TRMT1L: variants seen among roughly 807,000 people sequenced by gnomAD.
TRMT1L encodes tRNA (guanine(27)-N(2))-dimethyltransferase.
In TRMT1L, 28 loss-of-function variants were observed where a neutral mutation model predicts 81.6. That is an observed-to-expected ratio of 0.34 (90% CI 0.25 to 0.47). The LOEUF (loss-of-function observed/expected upper bound fraction) is 0.47. Among genes scored for constraint, TRMT1L ranks in the 20% least tolerant of loss-of-function variants. The pLI, the probability that TRMT1L is intolerant of heterozygous loss-of-function variation, is 1.00. For missense variants in TRMT1L, 739 were observed against 877.1 expected (o/e 0.84, Z 1.99); for synonymous variants, 301 against 303.2 (o/e 0.99, Z 0.07).
In TRMT1L at chr1:185,156,806, C is replaced by A; in HGVS notation, c.-94G>T. 1.3e-6 allele frequency: 2 copies of A among 1,527,188 alleles called. No homozygotes were observed. The highest frequency in any genetic ancestry group is 2.4e-5 in the East Asian group (1 of 41,450). 94.6% of individuals were successfully genotyped at this position (1,527,188 alleles called of 1,614,324 possible). On this transcript the variant is annotated 5_prime_UTR_variant, in exon 1 of 15. Coordinates refer to ENST00000367506, the MANE Select transcript of TRMT1L (RefSeq NM_030934.5). Reference sequence around the variant, plus strand: ...ACGTGAATGCCCACAGGGCTGGATCCAAGGAGTGGGGAAGCAAGTGGGGAG... The same window carrying A: ...ACGTGAATGCCCACAGGGCTGGATCAAAGGAGTGGGGAAGCAAGTGGGGAG...
At chr1:185,139,167 G>C (rs1443630214) in intron 9 of TRMT1L, among the ~76,000 whole-genome samples, 200 bp downstream of exon 9, 1 of 152,088 alleles carries the variant, frequency 6.6e-6, no homozygotes, top group Admixed American at 6.5e-5. Flanking sequence ...TTTAATTGGA[G>C]AGTAAACTGA....
Position 185,139,630 on chromosome 1 carries a change from T to A in TRMT1L, c.1110-51A>T, listed in dbSNP as rs1220518629. 3 of 1,236,090 alleles carry A rather than the reference T, an allele frequency of 2.4e-6. No homozygotes were observed. The African/African-American group carries it at 4.6e-5, about 19-fold the overall frequency. The allele number at this position is 1,236,090 out of a possible 1,614,324, so 76.6% of individuals were successfully genotyped here. ...TTTAAAGTCATATTAGTAACAAAAA[T>A]TATACCACTGTAATTATTTCTAATT... On this transcript the variant is annotated intron_variant, in intron 8 of 14. Transcript: ENST00000367506.
rs143396972 is a variant in TRMT1L at position 185,138,394 on chromosome 1, C to T, written c.1323-598G>A. On this transcript the variant is annotated intron_variant, in intron 9 of 14. Coordinates refer to ENST00000367506, the MANE Select transcript of TRMT1L (RefSeq NM_030934.5). ...TAAGTATGTGCAGTTAAGTCCTTAG[C>T]ATGCATACAGTAAACATCAGTTTTC... 7.2e-5 allele frequency among the ~76,000 whole-genome samples: 11 copies of T among 152,160 alleles called. 1 individual carries two copies. The East Asian group carries it at 2.1e-3, about 29-fold the overall frequency.
intron 13 of TRMT1L, among the ~76,000 whole-genome samples, chr1:185,123,186 T>G (rs1175337844): frequency 6.6e-6 from 1 of 152,170 alleles, no homozygotes; most frequent in Non-Finnish European, 1.5e-5. Flanking sequence ...AGGTCAACAT[T>G]AAACTGCTGA....
chr1:185,152,680 G>A (rs1462982170), intron 1 of TRMT1L, among the ~76,000 whole-genome samples: 1 of 152,092 alleles, frequency 6.6e-6, no homozygotes, highest in Non-Finnish European at 1.5e-5. Context: ...ATAAGCAACA[G>A]AACTTGGGAT....
intron 2 of TRMT1L, among the ~76,000 whole-genome samples, chr1:185,151,231 TA>T (rs1653336433): frequency 6.6e-6 from 1 of 151,942 alleles, no homozygotes; most frequent in African/African-American, 2.4e-5. Flanking sequence ...ACTCATTTAG[TA>T]ATTTTTTTCT....
intron 10 of TRMT1L, among the ~76,000 whole-genome samples, chr1:185,134,023 AAT>A (rs1292540566): frequency 6.6e-6 from 1 of 152,204 alleles, no homozygotes; most frequent in East Asian, 1.9e-4. Context: ...TAAAAAGCCA[AAT>A]ACTCTTTTTC....
chr1:185,149,944 T>G (rs1354574676), intron 3 of TRMT1L, among the ~76,000 whole-genome samples: 1 of 152,200 alleles, frequency 6.6e-6, no homozygotes. Context: ...TATCCCACCA[T>G]TCTGAATTCT....
At chr1:185,156,394 T>A (rs1653566604) in intron 1 of TRMT1L, 84 bp downstream of exon 1, 3 of 1,612,052 alleles carry the variant, frequency 1.9e-6, no homozygotes, top group East Asian at 2.2e-5. Flanking sequence ...ATAAAAACCA[T>A]CCCGGTGAAG....
rs766704960 is a variant in TRMT1L, at chr1:185,145,550, C to A, written c.544G>T (p.Ala182Ser). The A allele has an allele frequency of 5.0e-6, 8 of 1,611,160 alleles. No individual in the cohort carries two copies. Among genetic ancestry groups the A allele is most frequent in the Non-Finnish European group, 6.8e-6 (8 of 1,178,200 alleles). Residue 182 changes from alanine (A) to serine (S), a missense_variant, in exon 5 of 15, where the codon GCC becomes TCC. This residue lies in a region of TRMT1L where 331 missense variants were observed against 462.2 expected (regional missense o/e 0.72). Transcript: ENST00000367506. ...GAACAAATGATACAATGATAATGGG[C>A]TCCCATTTTACTGGTTATCTATCAA... The part of the protein sequence containing the change: ...IGEQITSKMG[A>S]HYHCIICSAT...
chr1:185,133,710 G>A (rs1000540831), intron 10 of TRMT1L, among the ~76,000 whole-genome samples: 2 of 151,200 alleles, frequency 1.3e-5, no homozygotes, highest in Non-Finnish European at 2.9e-5. Flanking sequence ...TGATCCTCCT[G>A]CCTCAGCCTC....
intron 13 of TRMT1L, 133 bp from the exon 14 acceptor site, chr1:185,120,642 A>C: frequency 1.3e-6 from 1 of 799,446 alleles, no homozygotes; most frequent in Non-Finnish European, 1.7e-6. Flanking sequence ...AATTCTTATA[A>C]TTTATTCTAT....
intron 12 of TRMT1L, 26 bp from the exon 13 acceptor site, chr1:185,123,945 G>A: frequency 7.6e-7 from 1 of 1,309,802 alleles, no homozygotes. Context: ...AATGGGAAAA[G>A]AAAATATTTT....
rs768938479 is a variant in TRMT1L at position 185,137,670 on chromosome 1, T to C, written c.1449A>G (p.Gln483=). 1.2e-6 allele frequency: 2 copies of C among 1,614,070 alleles called. No homozygotes were observed. Among genetic ancestry groups the C allele is most frequent in the East Asian group, 2.2e-5 (1 of 44,884 alleles). Reference sequence around the variant, plus strand: ...CACACCACTGACAATGGATCAGGTATTGAATCTTCTTGGCTGTTTCATCTG... The same window carrying C: ...CACACCACTGACAATGGATCAGGTACTGAATCTTCTTGGCTGTTTCATCTG... ...TSADETAKKI[Q]YLIHCQWCEE... Residue 483 remains glutamine (Q), a synonymous_variant, in exon 10 of 15, where the codon CAA becomes CAG. Transcript: ENST00000367506.
At chr1:185,155,921 AACTACT>A (rs1236452531) in intron 1 of TRMT1L, among the ~76,000 whole-genome samples, 15 of 152,170 alleles carry the variant, frequency 9.9e-5, no homozygotes, top group African/African-American at 3.6e-4. Flanking sequence ...CTCTTTCCTA[AACTACT>A]ACTCAGCCTC....
chr1:185,145,584 T>C lies in TRMT1L; in HGVS notation c.526-16A>G. The stretch of plus-strand genomic sequence containing the variant: ...TACTGGTTATCTATCAAACAGAGTA[T>C]TTAATTTAAATAAGTTGCTAAGACA... On this transcript the variant is annotated splice_polypyrimidine_tract_variant and intron_variant, in intron 4 of 14. Transcript: ENST00000367506. 6.2e-7 allele frequency: 1 copy of C among 1,607,206 alleles called. No homozygotes were observed. The highest frequency in any genetic ancestry group is 8.5e-7 in the Non-Finnish European group (1 of 1,175,638).
intron 1 of TRMT1L, among the ~76,000 whole-genome samples, chr1:185,153,873 A>G (rs999071912): frequency 3.3e-5 from 5 of 152,194 alleles, no homozygotes; most frequent in Non-Finnish European, 5.9e-5. Flanking sequence ...TTAAAATTCA[A>G]TTCTTGATAT....
chr1:185,141,815 C>G (rs1487778884), intron 7 of TRMT1L, among the ~76,000 whole-genome samples: 1 of 152,104 alleles, frequency 6.6e-6, no homozygotes, highest in East Asian at 1.9e-4. Context: ...AGTCTGGACT[C>G]CCGGCAATAA....
At position 185,140,155 on chromosome 1, in the gene TRMT1L, A is replaced by G. The variant is rs779082680; in HGVS notation, c.927T>C (p.Asn309=). Reference sequence around the variant, plus strand: ...CCTGAATCAGTGTCACAGAATTTTCATTCAAGTCATTGATTGTAACTTTGA... The same window carrying G: ...CCTGAATCAGTGTCACAGAATTTTCGTTCAAGTCATTGATTGTAACTTTGA... The part of the protein sequence containing the change: ...NAVKVTINDL[N]ENSVTLIQEN... The change falls in exon 8 of 15, where the codon AAT becomes AAC. Residue 309 remains asparagine, a synonymous_variant. Coordinates refer to ENST00000367506, the MANE Select transcript of TRMT1L (RefSeq NM_030934.5). 2 of 1,613,776 alleles carry G rather than the reference A, an allele frequency of 1.2e-6. No homozygotes were observed. Among genetic ancestry groups the G allele is most frequent in the Non-Finnish European group, 1.7e-6 (2 of 1,179,846 alleles).
Sources: allele counts gnomAD v4.1 joint callset (sites outside exome capture counted in the v4.1 genomes callset), GRCh38; gene constraint gnomAD v4.1.1; regional missense constraint gnomAD v4.1.1; transcripts MANE v1.5; gene names NCBI Gene and HGNC (gene_info 2026-07-23, HGNC 2026-07-21).